Variants in CCNY observed in about 807,000 individuals in gnomAD.
CCNY encodes the protein cyclin-Y.
In CCNY, 19 loss-of-function variants were observed where a neutral mutation model predicts 42.8. The ratio of observed to expected loss-of-function variants is 0.44; its 90% CI spans 0.31 to 0.65. The LOEUF is 0.65. Among genes scored for constraint, CCNY ranks in the 30% least tolerant of loss-of-function variants. CCNY has a pLI of 0.07. For missense variants in CCNY, 370 were observed against 437.3 expected (o/e 0.85, Z 1.37); for synonymous variants, 165 against 162.7 (o/e 1.01, Z -0.11).
intron 2 of CCNY, among the ~76,000 whole-genome samples, chr10:35,500,706 A>G (rs185627881): frequency 2.0e-5 from 3 of 152,350 alleles, no homozygotes; most frequent in Admixed American, 6.5e-5. Flanking sequence ...GTTCAGTGAT[A>G]CTAGGTTATT....
intron 3 of CCNY, among the ~76,000 whole-genome samples, chr10:35,267,083 C>CAA (rs34140857): frequency 0.34 from 36,159 of 106,138 alleles, 5,189 homozygotes; most frequent in Middle Eastern, 0.43. Flanking sequence ...ACTTCTGTCT[C>CAA]AAAAAAAAAA....
chr10:35,460,410 G>T (rs1291288344), intron 1 of CCNY, among the ~76,000 whole-genome samples: 1 of 151,886 alleles, frequency 6.6e-6, no homozygotes, highest in Non-Finnish European at 1.5e-5. Context: ...CCAATCTTTT[G>T]GCTTCCCTGG....
intron 9 of CCNY, 104 bp from the exon 10 acceptor site, chr10:35,568,950 G>GAAA: frequency 1.4e-6 from 1 of 738,470 alleles, no homozygotes; most frequent in Non-Finnish European, 2.4e-6. Flanking sequence ...ACAGGGGCAG[G>GAAA]GGCTCTGCCT....
intron 3 of CCNY, among the ~76,000 whole-genome samples, chr10:35,307,367 C>T (rs547841556): frequency 6.0e-4 from 91 of 152,290 alleles, no homozygotes; most frequent in African/African-American, 2.0e-3. Flanking sequence ...CGCGCATAAA[C>T]GCCATGGAGT....
Position 35,570,029 on chromosome 10 carries a change from G to T in CCNY, c.*859G>T, listed in dbSNP as rs1841655488. 6.5e-6 allele frequency: 1 copy of T among 152,730 alleles called. No homozygotes were observed. Among genetic ancestry groups the T allele is most frequent in the Non-Finnish European group, 1.5e-5 (1 of 68,054 alleles). The allele number at this position is 152,730 out of a possible 1,614,324, so 9.5% of individuals were successfully genotyped here. On this transcript the variant is annotated 3_prime_UTR_variant, in exon 10 of 10. Transcript: ENST00000374704. ...GCTGAAGGACACGGTGCAGCAGAGG[G>T]TGTCCCTGTGAGAGTTCTGCAGAGT...
intron 2 of CCNY, among the ~76,000 whole-genome samples, chr10:35,491,039 T>G (rs1839884811): frequency 6.6e-6 from 1 of 151,980 alleles, no homozygotes; most frequent in Non-Finnish European, 1.5e-5. Flanking sequence ...TAGTTTGGGG[T>G]GTGTGGAGGA....
intron 3 of CCNY, among the ~76,000 whole-genome samples, chr10:35,324,032 AT>A (rs1175593697): frequency 1.3e-5 from 2 of 149,662 alleles, no homozygotes; most frequent in African/African-American, 4.9e-5. Context: ...AAAAAAAAAA[AT>A]TCCAAAGGTC....
intron 7 of CCNY, among the ~76,000 whole-genome samples, chr10:35,538,469 A>G (rs1193718561): frequency 1.3e-5 from 2 of 152,324 alleles, no homozygotes; most frequent in East Asian, 3.9e-4. Context: ...TCGCATCCTT[A>G]TCAATGCTTG....
chr10:35,370,673 CT>C lies in CCNY; in HGVS notation c.154+33470del, dbSNP rs573533923. On this transcript the variant is annotated intron_variant, in intron 1 of 9. Transcript: ENST00000374704. The stretch of plus-strand genomic sequence containing the variant: ...TGCCTTATATTTCCCTATTACAACA[CT>C]TTTCTTCCTTTGGTTAACTATCTGA... 1.5e-3 allele frequency among the ~76,000 whole-genome samples: 233 copies of C among 151,924 alleles called. 3 individuals are homozygous for C. Among genetic ancestry groups the C allele is most frequent in the Non-Finnish European group, 2.7e-3 (186 of 67,998 alleles).
chr10:35,433,269 A>G (rs1394950144), intron 1 of CCNY, among the ~76,000 whole-genome samples: 1 of 152,214 alleles, frequency 6.6e-6, no homozygotes, highest in East Asian at 1.9e-4. Flanking sequence ...AACGTTTTGA[A>G]TGAAATAAAA....
chr10:35,486,974 C>G (rs965733975), intron 2 of CCNY, among the ~76,000 whole-genome samples: 6 of 152,194 alleles, frequency 3.9e-5, no homozygotes, highest in Non-Finnish European at 7.3e-5. Context: ...TCATCAGAAC[C>G]ATACTGTGGA....
intron 1 of CCNY, among the ~76,000 whole-genome samples, chr10:35,410,833 G>A (rs1423619803): frequency 1.3e-5 from 2 of 152,168 alleles, no homozygotes; most frequent in African/African-American, 2.4e-5. Context: ...GGAGTAGGGT[G>A]GGAGTTTGCA....
chr10:35,490,305 T>G (rs1233187455), intron 2 of CCNY, among the ~76,000 whole-genome samples: 2 of 152,254 alleles, frequency 1.3e-5, no homozygotes, highest in African/African-American at 4.8e-5. Flanking sequence ...TTTTTAATTA[T>G]GTATTTCTTT....
At chr10:35,444,852 G>A (rs1364593349) in intron 1 of CCNY, among the ~76,000 whole-genome samples, 1 of 152,192 alleles carries the variant, frequency 6.6e-6, no homozygotes, top group Non-Finnish European at 1.5e-5. Flanking sequence ...AGAGATGCTA[G>A]GATATTGAAT....
intron 2 of CCNY, among the ~76,000 whole-genome samples, chr10:35,491,110 G>C (rs550894559): frequency 8.6e-4 from 131 of 152,236 alleles, no homozygotes; most frequent in African/African-American, 2.9e-3. Flanking sequence ...TGTGCGTGCT[G>C]GGCTGCCCAT....
At chr10:35,504,900 G>A (rs1286572213) in intron 3 of CCNY, among the ~76,000 whole-genome samples, 1 of 152,132 alleles carries the variant, frequency 6.6e-6, no homozygotes, top group Non-Finnish European at 1.5e-5. Context: ...GCTTCCCAAA[G>A]TGCTGGGATT....
At chr10:35,430,837 G>A (rs552176995) in intron 1 of CCNY, among the ~76,000 whole-genome samples, 13 of 152,228 alleles carry the variant, frequency 8.5e-5, no homozygotes, top group African/African-American at 1.7e-4. Context: ...ACGGCTTGGC[G>A]TGGTGGCTCA....
chr10:35,411,998 G>A (rs1837917227), intron 1 of CCNY, among the ~76,000 whole-genome samples: 1 of 152,196 alleles, frequency 6.6e-6, no homozygotes, highest in African/African-American at 2.4e-5. Flanking sequence ...TTGGTTCCAA[G>A]TGTCTTCCTT....
chr10:35,327,584 T>C (rs1835894870), intron 3 of CCNY: 1 of 152,254 alleles, frequency 6.6e-6, no homozygotes, highest in Non-Finnish European at 1.5e-5. Context: ...TCCTGAGAAG[T>C]GCTTTCCTTC....
Sources: allele counts gnomAD v4.1 joint callset (sites outside exome capture counted in the v4.1 genomes callset), GRCh38; gene constraint gnomAD v4.1.1; transcripts MANE v1.5; gene names NCBI Gene and HGNC (gene_info 2026-07-23, HGNC 2026-07-21).